Variants in DEPDC1B observed in about 807,000 individuals in gnomAD.
DEPDC1B encodes the protein DEP domain containing 1B.
A neutral mutation model predicts 66.5 loss-of-function variants in DEPDC1B; 51 were observed. The observed-to-expected ratio is 0.77, with a 90% CI of 0.61 to 0.97. DEPDC1B has a LOEUF of 0.97. Among genes scored for constraint, DEPDC1B ranks in the 50% least tolerant of loss-of-function variants. DEPDC1B has a pLI of 0.00. For missense variants in DEPDC1B, 552 were observed against 637.1 expected, an observed-to-expected ratio of 0.87 and a Z score of 1.44; for synonymous variants, 226 against 223.6, an observed-to-expected ratio of 1.01 and a Z score of -0.10.
intron 5 of DEPDC1B, among the ~76,000 whole-genome samples, chr5:60,643,152 A>C (rs1247901631): frequency 2.6e-5 from 4 of 152,238 alleles, no homozygotes; most frequent in African/African-American, 7.2e-5. Context: ...ACAAACAAAC[A>C]AACCAAAAGA....
At chr5:60,612,489 G>A (rs553916751) in intron 7 of DEPDC1B, among the ~76,000 whole-genome samples, 2 of 145,574 alleles carry the variant, frequency 1.4e-5, no homozygotes, top group Non-Finnish European at 3.0e-5. Flanking sequence ...GACAACACAT[G>A]GTTTAGTGAA....
chr5:60,611,018 G>T (rs1752405153), intron 7 of DEPDC1B, among the ~76,000 whole-genome samples: 1 of 152,118 alleles, frequency 6.6e-6, no homozygotes, highest in African/African-American at 2.4e-5. Flanking sequence ...TAGTTGCTTT[G>T]CAGGTATTAT....
chr5:60,598,759 T>C (rs1207742558), intron 10 of DEPDC1B, among the ~76,000 whole-genome samples: 1 of 152,156 alleles, frequency 6.6e-6, no homozygotes, highest in East Asian at 1.9e-4. Context: ...CCCTCACTGA[T>C]AGCTTCTCTG....
At chr5:60,669,612 G>A (rs1753983082) in intron 2 of DEPDC1B, among the ~76,000 whole-genome samples, 2 of 152,140 alleles carry the variant, frequency 1.3e-5, no homozygotes, top group South Asian at 4.1e-4. Flanking sequence ...AACTGCTAAT[G>A]ATTACATTTC....
intron 1 of DEPDC1B, among the ~76,000 whole-genome samples, chr5:60,692,886 T>C (rs1338621585): frequency 1.3e-5 from 2 of 152,040 alleles, no homozygotes; most frequent in African/African-American, 4.8e-5. Context: ...ACAGGCCACA[T>C]ATGAAAAGTA....
At chr5:60,648,414 A>G (rs1431392935) in intron 2 of DEPDC1B, among the ~76,000 whole-genome samples, 1 of 152,210 alleles carries the variant, frequency 6.6e-6, no homozygotes, top group Non-Finnish European at 1.5e-5. Context: ...TGAAGACCAT[A>G]TAAGCTGGGA....
chr5:60,665,865 G>C (rs1279062230), intron 2 of DEPDC1B, among the ~76,000 whole-genome samples: 2 of 152,192 alleles, frequency 1.3e-5, no homozygotes, highest in Non-Finnish European at 2.9e-5. Flanking sequence ...GGCTAAAGCA[G>C]GAGGTAAAGA....
chr5:60,597,205 T>A lies in DEPDC1B; in HGVS notation c.*548A>T, dbSNP rs1274783878. ...AAAATCTGTCATAACATCCAATAAA[T>A]CTGCAATAAAAGACATAGCTATCAC... is the stretch of plus-strand genomic sequence containing the variant. On this transcript the variant is annotated 3_prime_UTR_variant, in exon 11 of 11. Transcript: ENST00000265036. 3.3e-5 allele frequency: 5 copies of A among 152,510 alleles called. No individual in the cohort carries two copies. Among genetic ancestry groups the A allele is most frequent in the African/African-American group, 1.2e-4 (5 of 41,418 alleles). The allele number at this position is 152,510 out of a possible 1,614,324, so 9.4% of individuals were successfully genotyped here.
Position 60,652,843 on chromosome 5 carries a change from G to C in DEPDC1B, c.315-5310C>G, listed in dbSNP as rs1056201923. On this transcript the variant is annotated intron_variant, in intron 2 of 10. Coordinates refer to ENST00000265036, the MANE Select transcript of DEPDC1B (RefSeq NM_018369.3). Reference sequence around the variant, plus strand: ...TAGCTTAGCTCCCACTTATAAGTGAGGACACGCAATGTTTGGTTTTTTATT... The same window carrying C: ...TAGCTTAGCTCCCACTTATAAGTGACGACACGCAATGTTTGGTTTTTTATT... 2.5e-4 allele frequency among the ~76,000 whole-genome samples: 38 copies of C among 149,156 alleles called. 6 individuals are homozygous for C. Among genetic ancestry groups the C allele is most frequent in the African/African-American group, 9.1e-4 (36 of 39,596 alleles).
In DEPDC1B at chr5:60,696,703, G is replaced by A. The variant is rs542384858; in HGVS notation, c.48+3343C>T. On this transcript the variant is annotated intron_variant, in intron 1 of 10. Coordinates refer to ENST00000265036, the MANE Select transcript of DEPDC1B (RefSeq NM_018369.3). ...GTTTTATGATTTTAAAACACTTTTT[G>A]TTTTGCTCTACTTATTAATTTCAGT... is the stretch of plus-strand genomic sequence containing the variant. 4.0e-5 allele frequency among the ~76,000 whole-genome samples: 6 copies of A among 151,896 alleles called. No individual in the cohort carries two copies. In the South Asian group the frequency reaches 1.3e-3, roughly 32 times the overall value.
At chr5:60,622,899 T>C (rs1752737123) in intron 7 of DEPDC1B, among the ~76,000 whole-genome samples, 1 of 152,224 alleles carries the variant, frequency 6.6e-6, no homozygotes, top group Non-Finnish European at 1.5e-5. Context: ...CTACATATCC[T>C]AGTTATAAGT....
intron 2 of DEPDC1B, among the ~76,000 whole-genome samples, chr5:60,671,963 T>C (rs547343184): frequency 1.3e-5 from 2 of 152,314 alleles, no homozygotes; most frequent in Non-Finnish European, 2.9e-5. Context: ...CTTGCTTTAT[T>C]AGATGTAAAG....
chr5:60,602,813 G>C (rs1017039818), intron 9 of DEPDC1B, among the ~76,000 whole-genome samples: 2 of 152,114 alleles, frequency 1.3e-5, no homozygotes, highest in Non-Finnish European at 2.9e-5. Context: ...AGCGGTTAAG[G>C]GACTTGCCCA....
chr5:60,606,213 G>T (rs763295840), intron 7 of DEPDC1B, among the ~76,000 whole-genome samples: 3 of 152,058 alleles, frequency 2.0e-5, no homozygotes, highest in African/African-American at 7.2e-5. Flanking sequence ...TAGCAAGAAC[G>T]TGAACGTGTC....
intron 7 of DEPDC1B, among the ~76,000 whole-genome samples, chr5:60,608,555 A>T (rs1752355205): frequency 6.6e-6 from 1 of 150,470 alleles, no homozygotes; most frequent in Admixed American, 6.6e-5. Flanking sequence ...CAATATTTTT[A>T]AAAAATAAAA....
intron 10 of DEPDC1B, 65 bp from the exon 11 acceptor site, chr5:60,597,979 C>A (rs930687109): frequency 7.8e-6 from 11 of 1,414,702 alleles, no homozygotes; most frequent in Admixed American, 2.8e-5. Context: ...AATTTGGCAG[C>A]CAAATTTTAA....
At chr5:60,671,643 A>G (rs1303219988) in intron 2 of DEPDC1B, among the ~76,000 whole-genome samples, 1 of 151,806 alleles carries the variant, frequency 6.6e-6, no homozygotes, top group African/African-American at 2.4e-5. Context: ...CTATAGGCTC[A>G]CTCCATTGCC....
At chr5:60,672,342 G>C (rs190326700) in intron 2 of DEPDC1B, among the ~76,000 whole-genome samples, 3 of 152,334 alleles carry the variant, frequency 2.0e-5, no homozygotes, top group Non-Finnish European at 1.5e-5. Context: ...AAAGAAAAGA[G>C]ATTTAATTTA....
At chr5:60,676,724 GCTC>G (rs1355856555) in intron 2 of DEPDC1B, among the ~76,000 whole-genome samples, 1 of 151,984 alleles carries the variant, frequency 6.6e-6, no homozygotes, top group Admixed American at 6.6e-5. Flanking sequence ...CTGAAGTCCT[GCTC>G]CTCCTCCGTC....
Sources: gnomAD v4.1 joint callset for allele counts (sites outside exome capture counted in the v4.1 genomes callset) on GRCh38, gnomAD v4.1.1 for gene constraint, MANE v1.5 for transcripts, NCBI Gene and HGNC (gene_info 2026-07-23, HGNC 2026-07-21) for gene names.